FBXO39: variants seen among roughly 807,000 people sequenced by gnomAD.
The protein encoded by FBXO39 is F-box protein 39.
Under a neutral mutation model 36.6 loss-of-function variants are expected in FBXO39, and 22 were observed. That is an observed-to-expected ratio of 0.60 (90% CI 0.43 to 0.86). The LOEUF is 0.86. Among genes scored for constraint, FBXO39 ranks in the 40% least tolerant of loss-of-function variants. The pLI, the probability that FBXO39 is intolerant of heterozygous loss-of-function variation, is 0.00. For synonymous variants in FBXO39, 206 were observed against 205.8 expected, an observed-to-expected ratio of 1.00 and a Z score of -0.01; for missense variants, 536 against 543.9, an observed-to-expected ratio of 0.99 and a Z score of 0.14.
chr17:6,779,821 TGGAAGCCC>T lies in FBXO39; in HGVS notation c.-47_-40del. 1.3e-6 allele frequency: 2 copies of T among 1,557,714 alleles called. No homozygotes were observed. The highest frequency in any genetic ancestry group is 2.4e-5 in the South Asian group (2 of 84,672). Reference sequence around the variant, plus strand: ...GTGATTGCTTTCCTTTCCTCATTTTTGGAAGCCCTGCCTAACACACAGCTGCACTGTAC... The same window carrying T: ...GTGATTGCTTTCCTTTCCTCATTTTTTGCCTAACACACAGCTGCACTGTAC... On this transcript the variant is annotated 5_prime_UTR_variant, in exon 2 of 4. An upstream open reading frame in the 5' UTR gains an earlier in-frame stop. Transcript: ENST00000321535.
intron 2 of FBXO39, among the ~76,000 whole-genome samples, chr17:6,782,496 A>T (rs1161754878): frequency 6.6e-6 from 1 of 152,194 alleles, no homozygotes; most frequent in Admixed American, 6.5e-5. Context: ...ACAGATTAAA[A>T]AGAAAGACTC....
intron 2 of FBXO39, among the ~76,000 whole-genome samples, chr17:6,785,849 A>G (rs909822324): frequency 1.3e-5 from 2 of 152,212 alleles, no homozygotes; most frequent in African/African-American, 4.8e-5. Context: ...AAGACAGGCA[A>G]TAGCAAATGC....
At position 6,787,530 on chromosome 17, in the gene FBXO39, T is replaced by G; in HGVS notation, c.*102T>G. 7.3e-7 allele frequency: 1 copy of G among 1,369,708 alleles called. No homozygotes were observed. The highest frequency in any genetic ancestry group is 9.8e-7 in the Non-Finnish European group (1 of 1,018,510). 84.8% of individuals were successfully genotyped at this position (1,369,708 alleles called of 1,614,324 possible). On this transcript the variant is annotated 3_prime_UTR_variant, in exon 4 of 4. Coordinates refer to ENST00000321535, the MANE Select transcript of FBXO39 (RefSeq NM_153230.3). ...CTGCCGGCCCTTTTGCTCCTCTCTC[T>G]CCCCTCCACTTTTTTTTTTTGTCAG...
Position 6,780,520 on chromosome 17 carries a change from A to C in FBXO39, c.652A>C (p.Lys218Gln). The change falls in exon 2 of 4, where the codon AAG (lysine) becomes CAG (glutamine). Residue 218 changes from lysine (K) to glutamine (Q), a missense_variant. By Grantham distance (53) the Lys-to-Gln change is moderately conservative. Coordinates refer to ENST00000321535, the MANE Select transcript of FBXO39 (RefSeq NM_153230.3). ...LAVYNSPQFK[K>Q]TMSTFHNLVS... ...TGTCTACAACAGCCCCCAGTTCAAA[A>C]AGACCATGTCCACATTCCACAATCT... The C allele has an allele frequency of 6.2e-7, 1 of 1,614,062 alleles. No homozygotes were observed. Among genetic ancestry groups the C allele is most frequent in the Non-Finnish European group, 8.5e-7 (1 of 1,180,010 alleles).
In FBXO39 at chr17:6,787,529, C is replaced by A; in HGVS notation, c.*101C>A. 2 of 1,399,004 alleles carry A rather than the reference C, an allele frequency of 1.4e-6. No individual in the cohort carries two copies. Among genetic ancestry groups the A allele is most frequent in the Non-Finnish European group, 9.6e-7 (1 of 1,038,124 alleles). 86.7% of individuals were successfully genotyped at this position (1,399,004 alleles called of 1,614,324 possible). A position where few individuals can be genotyped will look rare whatever the true frequency, so the allele number is the denominator to read the frequency against. ...ACTGCCGGCCCTTTTGCTCCTCTCTCTCCCCTCCACTTTTTTTTTTTGTCA... is the reference window on the plus strand; with the variant it reads ...ACTGCCGGCCCTTTTGCTCCTCTCTATCCCCTCCACTTTTTTTTTTTGTCA... On this transcript the variant is annotated 3_prime_UTR_variant, in exon 4 of 4. Transcript: ENST00000321535.
At chr17:6,784,089 G>T (rs926051904) in intron 2 of FBXO39, among the ~76,000 whole-genome samples, 4 of 152,052 alleles carry the variant, frequency 2.6e-5, no homozygotes. Flanking sequence ...TTTATCCCAG[G>T]GATGCAAGAA....
Position 6,780,530 on chromosome 17 carries a change from C to A in FBXO39, c.662C>A (p.Ser221Tyr), listed in dbSNP as rs1976494538. 6.2e-7 allele frequency: 1 copy of A among 1,614,124 alleles called. No homozygotes were observed. The highest frequency in any genetic ancestry group is 1.1e-5 in the South Asian group (1 of 91,084). The change falls in exon 2 of 4, where the codon TCC (serine) becomes TAC (tyrosine). Residue 221 changes from serine (S) to tyrosine (Y), a missense_variant. Transcript: ENST00000321535. ...AGCCCCCAGTTCAAAAAGACCATGT[C>A]CACATTCCACAATCTTGTGTCCCTG... Reference protein sequence around the residue: ...YNSPQFKKTMSTFHNLVSLNL... With the variant: ...YNSPQFKKTMYTFHNLVSLNL...
intron 1 of FBXO39, among the ~76,000 whole-genome samples, chr17:6,778,870 C>T (rs891779141): frequency 1.3e-5 from 2 of 152,268 alleles, no homozygotes; most frequent in African/African-American, 2.4e-5. Context: ...GTTACCAAAT[C>T]GTGTCTTCTA....
chr17:6,783,245 C>T (rs1249798172), intron 2 of FBXO39, among the ~76,000 whole-genome samples: 5 of 151,976 alleles, frequency 3.3e-5, no homozygotes, highest in Admixed American at 3.3e-4. Context: ...GCTACCAAAA[C>T]CTGTGGGATA....
chr17:6,787,223 C>A, intron 3 of FBXO39, 77 bp from the exon 4 acceptor site: 1 of 1,397,110 alleles, frequency 7.2e-7, no homozygotes, highest in Non-Finnish European at 9.7e-7. Flanking sequence ...GTGTAGTCAC[C>A]GTGTGTGTGT....
chr17:6,787,368 G>C lies in FBXO39; in HGVS notation c.1269G>C (p.Lys423Asn). The C allele has an allele frequency of 6.2e-7, 1 of 1,614,070 alleles. No homozygotes were observed. Among genetic ancestry groups the C allele is most frequent in the Non-Finnish European group, 8.5e-7 (1 of 1,179,988 alleles). The change falls in exon 4 of 4, where the codon AAG (lysine) becomes AAC (asparagine). Residue 423 changes from lysine (K) to asparagine (N), a missense_variant. Transcript: ENST00000321535. The part of the protein sequence containing the change: ...EDKTLQEIYR[K>N]YRKLIESELS... ...AGACCCTGCAGGAAATTTACAGGAAGTACAGAAAGCTGATCGAATCAGAGC... is the reference window on the plus strand; with the variant it reads ...AGACCCTGCAGGAAATTTACAGGAACTACAGAAAGCTGATCGAATCAGAGC...
intron 1 of FBXO39, among the ~76,000 whole-genome samples, chr17:6,777,054 A>G (rs948084517): frequency 6.6e-6 from 1 of 151,614 alleles, no homozygotes; most frequent in African/African-American, 2.4e-5. Flanking sequence ...CTGACCTACA[A>G]CCTTGCTAGG....
At chr17:6,784,766 C>CA (rs201304557) in intron 2 of FBXO39, among the ~76,000 whole-genome samples, 29 of 151,610 alleles carry the variant, frequency 1.9e-4, no homozygotes, top group African/African-American at 5.3e-4. Flanking sequence ...GAAAAGGACA[C>CA]AAAAAAATGG....
In FBXO39 at chr17:6,787,344, G is replaced by A. The variant is rs1976588346; in HGVS notation, c.1245G>A (p.Lys415=). 6.2e-7 allele frequency: 1 copy of A among 1,613,850 alleles called. No individual in the cohort carries two copies. The highest frequency in any genetic ancestry group is 1.3e-5 in the African/African-American group (1 of 74,856). The change falls in exon 4 of 4, where the codon AAG becomes AAA. Residue 415 remains lysine, a synonymous_variant. Coordinates refer to ENST00000321535, the MANE Select transcript of FBXO39 (RefSeq NM_153230.3). ...GATATGAGACGAATGAAGAGGACAA[G>A]ACCCTGCAGGAAATTTACAGGAAGT... is the stretch of plus-strand genomic sequence containing the variant. ...TNRYETNEED[K]TLQEIYRKYR... is the part of the protein sequence containing the mutation.
At position 6,787,496 on chromosome 17, in the gene FBXO39, A is replaced by C; in HGVS notation, c.*68A>C. On this transcript the variant is annotated 3_prime_UTR_variant, in exon 4 of 4. Transcript: ENST00000321535. The stretch of plus-strand genomic sequence containing the variant: ...TGAAAATCATTTCTCTTAGAACTAC[A>C]CTTGGGCACTGCCGGCCCTTTTGCT... 1 of 1,583,864 alleles carries C rather than the reference A, an allele frequency of 6.3e-7. No homozygotes were observed.
chr17:6,784,959 A>G lies in FBXO39; in HGVS notation c.1024-1821A>G, dbSNP rs574581206. 7.7e-3 allele frequency among the ~76,000 whole-genome samples: 1,076 copies of G among 140,250 alleles called. 39 individuals carry two copies. The highest frequency in any genetic ancestry group is 0.033 in the African/African-American group (1,013 of 31,066). 92.0% of individuals were successfully genotyped at this position (140,250 alleles called of 152,430 possible). On this transcript the variant is annotated intron_variant, in intron 2 of 3. Coordinates refer to ENST00000321535, the MANE Select transcript of FBXO39 (RefSeq NM_153230.3). ...TGTGTGTGTGTGTGTGTGTGTATAT[A>G]TATATATGGAACCACAAAAGATGCA...
rs199531350 is a variant in FBXO39 at position 6,787,462 on chromosome 17, C to G, written c.*34C>G. The G allele has an allele frequency of 1.9e-6, 3 of 1,610,206 alleles. No homozygotes were observed. Among genetic ancestry groups the G allele is most frequent in the Non-Finnish European group, 2.5e-6 (3 of 1,177,676 alleles). On this transcript the variant is annotated 3_prime_UTR_variant, in exon 4 of 4. Coordinates refer to ENST00000321535, the MANE Select transcript of FBXO39 (RefSeq NM_153230.3). Reference sequence around the variant, plus strand: ...CTACAGATGAAGAAAGCTGGGAGCACTTTGAACTTGAAAATCATTTCTCTT... The same window carrying G: ...CTACAGATGAAGAAAGCTGGGAGCAGTTTGAACTTGAAAATCATTTCTCTT...
chr17:6,778,956 A>G (rs1976467523), intron 1 of FBXO39, among the ~76,000 whole-genome samples: 1 of 152,106 alleles, frequency 6.6e-6, no homozygotes, highest in African/African-American at 2.4e-5. Context: ...TCTGTCCCCC[A>G]GGAGTGTCCT....
chr17:6,787,613 C>A lies in FBXO39; in HGVS notation c.*185C>A. On this transcript the variant is annotated 3_prime_UTR_variant, in exon 4 of 4. Transcript: ENST00000321535. The stretch of plus-strand genomic sequence containing the variant: ...TGAGACTGCCCATGACCTGAAGGCT[C>A]CAGGTGGCTTTAAAGCGCTATGTTT... 1 of 576,360 alleles carries A rather than the reference C, an allele frequency of 1.7e-6. No individual in the cohort carries two copies. Among genetic ancestry groups the A allele is most frequent in the Non-Finnish European group, 3.0e-6 (1 of 338,838 alleles). 35.7% of individuals were successfully genotyped at this position (576,360 alleles called of 1,614,324 possible).
Sources: gnomAD v4.1 joint callset for allele counts (sites outside exome capture counted in the v4.1 genomes callset) on GRCh38, gnomAD v4.1.1 for gene constraint, MANE v1.5 for transcripts, NCBI Gene and HGNC (gene_info 2026-07-23, HGNC 2026-07-21) for gene names.